Variants in RND2 observed in about 807,000 individuals in gnomAD.
The protein encoded by RND2 is rho-related GTP-binding protein RhoN.
In RND2, 16 loss-of-function variants were observed where a neutral mutation model predicts 25.9. The observed-to-expected ratio is 0.62, with a 90% CI of 0.42 to 0.94. RND2 has a LOEUF of 0.94. Among genes scored for constraint, RND2 ranks in the 40% least tolerant of loss-of-function variants. The pLI is 0.00. For synonymous variants in RND2, 97 were observed against 118.1 expected (o/e 0.82, Z 1.16); for missense variants, 276 against 305.5 (o/e 0.90, Z 0.72).
At chr17:43,026,636 G>A (rs779902231) in intron 2 of RND2, among the ~76,000 whole-genome samples, 1 of 152,182 alleles carries the variant, frequency 6.6e-6, no homozygotes, top group Admixed American at 6.5e-5. Context: ...GCGATAGAGC[G>A]AGACTCCATC....
chr17:43,025,811 G>GGGGGGGGGGGGC, intron 1 of RND2, 149 bp from the exon 2 acceptor site: 1 of 50,062 alleles, frequency 2.0e-5, no homozygotes, highest in African/African-American at 1.0e-4. Context: ...GGGGGGGGGG[G>GGGGGGGGGGGGC]CAGGAGCTCC....
At chr17:43,026,865 A>G (rs1437306991) in intron 2 of RND2, among the ~76,000 whole-genome samples, 1 of 152,212 alleles carries the variant, frequency 6.6e-6, no homozygotes, top group Non-Finnish European at 1.5e-5. Flanking sequence ...AAGCCCAGAA[A>G]GCACATGCAA....
Position 43,026,086 on chromosome 17 carries a change from G to T in RND2, c.190+39G>T, listed in dbSNP as rs754265423. 5 of 1,462,828 alleles carry T rather than the reference G, an allele frequency of 3.4e-6. No individual in the cohort carries two copies. The South Asian group carries it at 3.4e-5, about 10-fold the overall frequency. The allele number at this position is 1,462,828 out of a possible 1,614,324, so 90.6% of individuals were successfully genotyped here. On this transcript the variant is annotated intron_variant, in intron 2 of 4. Transcript: ENST00000587250. ...TGGGGGTCACCCTGACTTCCAAGGCGGCCCACTCTGTCCCCTCCCTTGGTT... is the reference window on the plus strand; with the variant it reads ...TGGGGGTCACCCTGACTTCCAAGGCTGCCCACTCTGTCCCCTCCCTTGGTT...
intron 3 of RND2, 123 bp from the exon 4 acceptor site, chr17:43,027,938 G>A: frequency 2.0e-5 from 23 of 1,161,832 alleles, no homozygotes; most frequent in Non-Finnish European, 2.8e-5. Context: ...ATGTGGGAGA[G>A]TCCTGAGGGA....
Position 43,028,472 on chromosome 17 carries a change from T to A in RND2, c.476T>A (p.Val159Asp), listed in dbSNP as rs1166728518. 2 of 1,614,076 alleles carry A rather than the reference T, an allele frequency of 1.2e-6. No individual in the cohort carries two copies. The highest frequency in any genetic ancestry group is 1.7e-6 in the Non-Finnish European group (2 of 1,180,050). Reference protein sequence around the residue: ...LAKQVGAVSYVECSSRSSERS... With the variant: ...LAKQVGAVSYDECSSRSSERS... ...AAGCAGGTGGGGGCTGTGTCCTATG[T>A]TGAGTGCTCCTCCCGGTCCTCTGAG... The change falls in exon 5 of 5, where the codon GTT becomes GAT. Residue 159 changes from valine to aspartate, a missense_variant. Coordinates refer to ENST00000587250, the MANE Select transcript of RND2 (RefSeq NM_005440.5).
In RND2 at chr17:43,028,479, C is replaced by G; in HGVS notation, c.483C>G (p.Cys161Trp). The change falls in exon 5 of 5, where the codon TGC becomes TGG. Residue 161 changes from cysteine to tryptophan, a missense_variant. Transcript: ENST00000587250. Reference sequence around the variant, plus strand: ...TGGGGGCTGTGTCCTATGTTGAGTGCTCCTCCCGGTCCTCTGAGCGCAGCG... The same window carrying G: ...TGGGGGCTGTGTCCTATGTTGAGTGGTCCTCCCGGTCCTCTGAGCGCAGCG... Reference protein sequence around the residue: ...KQVGAVSYVECSSRSSERSVR... With the variant: ...KQVGAVSYVEWSSRSSERSVR... The G allele has an allele frequency of 6.2e-7, 1 of 1,614,230 alleles. No individual in the cohort carries two copies. Among genetic ancestry groups the G allele is most frequent in the East Asian group, 2.2e-5 (1 of 44,882 alleles).
intron 2 of RND2, among the ~76,000 whole-genome samples, chr17:43,026,421 G>C (rs1306165609): frequency 6.6e-6 from 1 of 152,148 alleles, no homozygotes; most frequent in Non-Finnish European, 1.5e-5. Context: ...AGGCTGGGGT[G>C]GGGGGATCAC....
intron 1 of RND2, 109 bp downstream of exon 1, chr17:43,025,558 CA>C (rs1389808470): frequency 7.0e-7 from 1 of 1,423,010 alleles, no homozygotes; most frequent in Non-Finnish European, 9.3e-7. Context: ...GGACAAGAGA[CA>C]GGGGGTCGGA....
In RND2 at chr17:43,029,845, A is replaced by C. The variant is rs994597619; in HGVS notation, c.*1165A>C. The C allele has an allele frequency of 2.8e-5, 4 of 143,580 alleles. No homozygotes were observed. Among genetic ancestry groups the C allele is most frequent in the Non-Finnish European group, 6.0e-5 (4 of 66,668 alleles). 8.9% of individuals were successfully genotyped at this position (143,580 alleles called of 1,614,324 possible). On this transcript the variant is annotated 3_prime_UTR_variant, in exon 5 of 5. Transcript: ENST00000587250. ...GGTGAACCTGGGAGGCGGAGCTTGCAGTGAGCCGAGATTGCGCCACTGCAT... is the reference window on the plus strand; with the variant it reads ...GGTGAACCTGGGAGGCGGAGCTTGCCGTGAGCCGAGATTGCGCCACTGCAT...
At chr17:43,025,921 T>G in intron 1 of RND2, 39 bp from the exon 2 acceptor site, 3 of 1,496,656 alleles carry the variant, frequency 2.0e-6, no homozygotes, top group Non-Finnish European at 2.8e-6. Context: ...GGTGAGGACT[T>G]GGAGAGATGA....
Position 43,031,401 on chromosome 17 carries a change from T to A in RND2, c.*2721T>A, listed in dbSNP as rs2050671011. The stretch of plus-strand genomic sequence containing the variant: ...AAGACCCTGAGTCCTCGGCTAAGGG[T>A]ACAGGAGAGGGCAGGGGCTCCAGGC... On this transcript the variant is annotated 3_prime_UTR_variant, in exon 5 of 5. Coordinates refer to ENST00000587250, the MANE Select transcript of RND2 (RefSeq NM_005440.5). The A allele has an allele frequency of 6.6e-6, 1 of 152,086 alleles. No homozygotes were observed. The highest frequency in any genetic ancestry group is 1.5e-5 in the Non-Finnish European group (1 of 68,032). 9.4% of individuals were successfully genotyped at this position (152,086 alleles called of 1,614,324 possible).
intron 3 of RND2, among the ~76,000 whole-genome samples, chr17:43,027,510 AGG>A (rs1025250395): frequency 2.0e-5 from 3 of 151,788 alleles, no homozygotes; most frequent in African/African-American, 7.3e-5. Flanking sequence ...CAGCTAGGGG[AGG>A]TGGGGGAGTG....
At chr17:43,027,712 A>C in intron 3 of RND2, among the ~76,000 whole-genome samples, 1 of 141,722 alleles carries the variant, frequency 7.1e-6, no homozygotes, top group African/African-American at 2.5e-5. Flanking sequence ...GGGCAGCCCC[A>C]GTTCCCAGGT....
At position 43,027,362 on chromosome 17, in the gene RND2, G is replaced by A. The variant is rs143589926; in HGVS notation, c.300+70G>A. On this transcript the variant is annotated intron_variant, in intron 3 of 4. Transcript: ENST00000587250. ...ACCACCATGGTCCTGACATAACATG[G>A]GCCAGGAGGAGGGAGTGATGGCTGG... 3.5e-4 allele frequency: 365 copies of A among 1,055,126 alleles called. 2 individuals carry two copies. The African/African-American group carries it at 4.7e-3, about 14-fold the overall frequency. The allele number at this position is 1,055,126 out of a possible 1,614,324, so 65.4% of individuals were successfully genotyped here.
intron 1 of RND2, 60 bp from the exon 2 acceptor site, chr17:43,025,900 C>G: frequency 8.3e-7 from 1 of 1,200,846 alleles, no homozygotes; most frequent in East Asian, 3.0e-5. Flanking sequence ...GTGAGGAGGG[C>G]ATTTATCTGG....
At chr17:43,026,109 GT>G in intron 2 of RND2, 62 bp downstream of exon 2, 1 of 1,204,046 alleles carries the variant, frequency 8.3e-7, no homozygotes, top group Non-Finnish European at 1.2e-6. Context: ...CCCTCCCTTG[GT>G]TAGACCCTTA....
At chr17:43,027,159 C>A (rs776354389) in intron 2 of RND2, 24 bp from the exon 3 acceptor site, 2 of 1,504,514 alleles carry the variant, frequency 1.3e-6, no homozygotes, top group Non-Finnish European at 1.8e-6. Flanking sequence ...CCACTCAGGC[C>A]CCTCATGCCC....
In RND2 at chr17:43,028,715, G is replaced by A. The variant is rs1490491512; in HGVS notation, c.*35G>A. The A allele has an allele frequency of 6.6e-7, 1 of 1,524,760 alleles. No individual in the cohort carries two copies. Among genetic ancestry groups the A allele is most frequent in the Non-Finnish European group, 8.8e-7 (1 of 1,132,988 alleles). 94.5% of individuals were successfully genotyped at this position (1,524,760 alleles called of 1,614,324 possible). A position where few individuals can be genotyped will look rare whatever the true frequency, so the allele number is the denominator to read the frequency against. On this transcript the variant is annotated 3_prime_UTR_variant, in exon 5 of 5. Transcript: ENST00000587250. ...AGAGGGCAGAGTGTGAAGAGGGGTG[G>A]TGAGGGACACAATTGTTCCCCTGCC...
In RND2 at chr17:43,028,058, T is replaced by C; in HGVS notation, c.301-3T>C. 3 of 1,613,036 alleles carry C rather than the reference T, an allele frequency of 1.9e-6. No homozygotes were observed. Among genetic ancestry groups the C allele is most frequent in the Non-Finnish European group, 2.5e-6 (3 of 1,179,514 alleles). ...CACAATTCTCTTTTCTTCTCCTACA[T>C]AGTGGCAAGGAGAGACTCAAGAGTT... On this transcript the variant is annotated splice_polypyrimidine_tract_variant and splice_region_variant and intron_variant, in intron 3 of 4. Transcript: ENST00000587250.
Sources: allele counts gnomAD v4.1 joint callset (sites outside exome capture counted in the v4.1 genomes callset), GRCh38; gene constraint gnomAD v4.1.1; transcripts MANE v1.5; gene names NCBI Gene and HGNC (gene_info 2026-07-23, HGNC 2026-07-21).